NLGN1: variants seen among roughly 807,000 people sequenced by gnomAD.
The protein encoded by NLGN1 is neuroligin 1, also known as neuroligin-1.
NLGN1 carries 12 observed loss-of-function variants against 65.5 expected under a neutral mutation model. The ratio of observed to expected loss-of-function variants is 0.18; its 90% CI spans 0.12 to 0.30. NLGN1 has a LOEUF of 0.30. Among genes scored for constraint, NLGN1 ranks in the 10% least tolerant of loss-of-function variants. The pLI, the probability that NLGN1 is intolerant of heterozygous loss-of-function variation, is 1.00. For missense variants in NLGN1, 750 were observed against 1,007.1 expected, an observed-to-expected ratio of 0.74 and a Z score of 3.46; for synonymous variants, 350 against 359.5, an observed-to-expected ratio of 0.97 and a Z score of 0.30.
At chr3:173,978,519 A>C (rs944063948) in intron 4 of NLGN1, among the ~76,000 whole-genome samples, 6 of 152,024 alleles carry the variant, frequency 3.9e-5, no homozygotes, top group African/African-American at 1.4e-4. Context: ...AAGGGGGCTT[A>C]GCATCTGGAA....
chr3:174,207,285 T>TC (rs1302801182), intron 4 of NLGN1, among the ~76,000 whole-genome samples: 1 of 151,830 alleles, frequency 6.6e-6, no homozygotes, highest in Non-Finnish European at 1.5e-5. Context: ...TGTACCGCTC[T>TC]CTCCCCATTG....
chr3:173,785,267 G>A (rs1781774727), intron 3 of NLGN1, among the ~76,000 whole-genome samples: 1 of 152,088 alleles, frequency 6.6e-6, no homozygotes, highest in African/African-American at 2.4e-5. Context: ...TTCTACTTCT[G>A]TTTATTTCAT....
chr3:174,212,129 C>T (rs962059695), intron 4 of NLGN1, among the ~76,000 whole-genome samples: 1 of 152,206 alleles, frequency 6.6e-6, no homozygotes, highest in African/African-American at 2.4e-5. Context: ...GGGAGGGCAG[C>T]TAAGGCCCGG....
At chr3:173,640,542 A>T (rs1757245977) in intron 3 of NLGN1, among the ~76,000 whole-genome samples, 1 of 152,140 alleles carries the variant, frequency 6.6e-6, no homozygotes, top group Non-Finnish European at 1.5e-5. Flanking sequence ...CCGTAAGGCT[A>T]TTATCATATC....
intron 2 of NLGN1, among the ~76,000 whole-genome samples, chr3:173,457,781 T>C (rs940193252): frequency 4.6e-5 from 7 of 151,916 alleles, no homozygotes; most frequent in Non-Finnish European, 1.0e-4. Context: ...GTGGAGATGA[T>C]GAAAAAGAAA....
intron 4 of NLGN1, among the ~76,000 whole-genome samples, chr3:173,860,342 G>A (rs1030906266): frequency 6.6e-6 from 1 of 151,668 alleles, no homozygotes; most frequent in Non-Finnish European, 1.5e-5. Flanking sequence ...GTGTTTTGGG[G>A]TTTCCAAATT....
chr3:173,529,875 C>A (rs1736270019), intron 2 of NLGN1, among the ~76,000 whole-genome samples: 1 of 151,984 alleles, frequency 6.6e-6, no homozygotes, highest in African/African-American at 2.4e-5. Flanking sequence ...GCCTCTAGCC[C>A]TGGGTGGAGT....
chr3:174,159,158 A>T (rs1726029982), intron 4 of NLGN1, among the ~76,000 whole-genome samples: 1 of 151,706 alleles, frequency 6.6e-6, no homozygotes, highest in African/African-American at 2.4e-5. Flanking sequence ...GCTCCCTAGG[A>T]AATGGCTACT....
At chr3:173,908,500 T>C (rs1219060327) in intron 4 of NLGN1, among the ~76,000 whole-genome samples, 9 of 152,232 alleles carry the variant, frequency 5.9e-5, no homozygotes, top group Non-Finnish European at 1.2e-4. Context: ...TTGTTTATTA[T>C]ATTTAAAATT....
At chr3:174,056,723 C>G (rs1371271136) in intron 4 of NLGN1, among the ~76,000 whole-genome samples, 1 of 151,952 alleles carries the variant, frequency 6.6e-6, no homozygotes, top group Non-Finnish European at 1.5e-5. Context: ...CAAATACGTT[C>G]AAGCACTATA....
At chr3:174,171,083 A>G (rs1290020854) in intron 4 of NLGN1, among the ~76,000 whole-genome samples, 7 of 152,204 alleles carry the variant, frequency 4.6e-5, no homozygotes, top group Non-Finnish European at 2.9e-5. Context: ...AGGCAAATAA[A>G]TTAATAGACC....
intron 4 of NLGN1, among the ~76,000 whole-genome samples, chr3:174,018,173 T>C (rs1172296404): frequency 6.6e-6 from 1 of 152,170 alleles, no homozygotes; most frequent in Non-Finnish European, 1.5e-5. Context: ...TCCGTCTGGC[T>C]CTCAGGCAGC....
chr3:173,644,186 A>T, intron 3 of NLGN1: 1 of 152,622 alleles, frequency 6.6e-6, no homozygotes, highest in Middle Eastern at 3.4e-3. Flanking sequence ...CTTTCCCAGG[A>T]CTGAGATCCC....
intron 2 of NLGN1, among the ~76,000 whole-genome samples, chr3:173,504,618 T>C (rs1577016779): frequency 6.6e-6 from 1 of 152,204 alleles, no homozygotes; most frequent in East Asian, 1.9e-4. Flanking sequence ...GACCTGTTTA[T>C]ACCCAAGATT....
intron 3 of NLGN1, among the ~76,000 whole-genome samples, chr3:173,780,167 A>G (rs529591499): frequency 3.3e-4 from 51 of 152,306 alleles, no homozygotes; most frequent in Admixed American, 1.6e-3. Flanking sequence ...TCATGCTGCA[A>G]TGCTTCTCAC....
At chr3:173,614,089 C>T (rs979510691) in intron 3 of NLGN1, among the ~76,000 whole-genome samples, 1 of 150,892 alleles carries the variant, frequency 6.6e-6, no homozygotes, top group African/African-American at 2.4e-5. Flanking sequence ...AAACATCTGC[C>T]TTTTCATCTT....
At chr3:173,874,570 C>T (rs190238315) in intron 4 of NLGN1, among the ~76,000 whole-genome samples, 4 of 152,206 alleles carry the variant, frequency 2.6e-5, no homozygotes, top group Admixed American at 2.0e-4. Context: ...GTCACAAGTA[C>T]GATTTATCCT....
intron 4 of NLGN1, among the ~76,000 whole-genome samples, chr3:174,032,319 T>A (rs1030663616): frequency 2.0e-5 from 3 of 152,192 alleles, no homozygotes; most frequent in Non-Finnish European, 4.4e-5. Flanking sequence ...AAGTATTACA[T>A]TGAAAAATAC....
chr3:173,824,227 G>GACAATT (rs1720892839), intron 4 of NLGN1, among the ~76,000 whole-genome samples: 1 of 152,092 alleles, frequency 6.6e-6, no homozygotes, highest in Non-Finnish European at 1.5e-5. Context: ...TTTCTACCTT[G>GACAATT]TAATGTGGTT....
Sources: allele counts gnomAD v4.1 joint callset (sites outside exome capture counted in the v4.1 genomes callset), GRCh38; gene constraint gnomAD v4.1.1; transcripts MANE v1.5; gene names NCBI Gene and HGNC (gene_info 2026-07-23, HGNC 2026-07-21).